The following YES1 variants were observed in gnomAD, a reference collection of about 807,000 sequenced individuals.
The protein encoded by YES1 is YES proto-oncogene 1, Src family tyrosine kinase, also known as tyrosine-protein kinase Yes.
In YES1, 39 loss-of-function variants were observed where a neutral mutation model predicts 70.4. The observed-to-expected ratio is 0.55, with a 90% CI of 0.43 to 0.72. YES1 has a LOEUF of 0.72. YES1 is among the 30% of genes least tolerant of loss of function. The pLI is 0.00. For missense variants in YES1, 495 were observed against 644.8 expected (o/e 0.77, Z 2.52); for synonymous variants, 198 against 218.6 (o/e 0.91, Z 0.83).
intron 3 of YES1, 33 bp downstream of exon 3, chr18:751,672 G>T: frequency 7.3e-7 from 1 of 1,374,046 alleles, no homozygotes; most frequent in Non-Finnish European, 1.0e-6. Flanking sequence ...ATTTCTGTCA[G>T]TATTTCTCTC....
At position 757,312 on chromosome 18, in the gene YES1, G is replaced by A. The variant is rs542852728; in HGVS notation, c.-8-477C>T. ...AGGTCAGGAGATTGAGACCATCCTGGCTAACACGGTGAAACCCCGCCTCTA... is the reference window on the plus strand; with the variant it reads ...AGGTCAGGAGATTGAGACCATCCTGACTAACACGGTGAAACCCCGCCTCTA... On this transcript the variant is annotated intron_variant, in intron 1 of 11. Coordinates refer to ENST00000314574, the MANE Select transcript of YES1 (RefSeq NM_005433.4). Among the ~76,000 whole-genome samples the A allele has an allele frequency of 1.1e-4, 16 of 151,588 alleles. No individual in the cohort carries two copies. In the East Asian group the frequency reaches 2.5e-3, roughly 24 times the overall value.
chr18:811,878 C>T (rs1907403366), intron 1 of YES1, among the ~76,000 whole-genome samples: 1 of 152,134 alleles, frequency 6.6e-6, no homozygotes, highest in Non-Finnish European at 1.5e-5. Context: ...GGGCGGGACC[C>T]GGCAGGTCTG....
intron 1 of YES1, among the ~76,000 whole-genome samples, chr18:800,222 T>C (rs1413466055): frequency 1.3e-5 from 2 of 152,248 alleles, no homozygotes; most frequent in African/African-American, 2.4e-5. Context: ...CTTTCTCTCA[T>C]GCCCATGATA....
intron 8 of YES1, among the ~76,000 whole-genome samples, chr18:740,959 G>A (rs560260809): frequency 1.4e-4 from 22 of 152,136 alleles, no homozygotes; most frequent in Non-Finnish European, 3.2e-4. Context: ...GTGCAGCGGT[G>A]TCATCTTGGC....
rs1262034783 is a variant in YES1, at chr18:739,926, TA to T, written c.1061-116del. The T allele has an allele frequency of 5.6e-5, 41 of 728,746 alleles. No homozygotes were observed. In the East Asian group the frequency reaches 1.2e-3, roughly 21 times the overall value. The allele number at this position is 728,746 out of a possible 1,614,324, so 45.1% of individuals were successfully genotyped here. A position where few individuals can be genotyped will look rare whatever the true frequency, so the allele number is the denominator to read the frequency against. On this transcript the variant is annotated intron_variant, in intron 8 of 11. Transcript: ENST00000314574. ...AAACTTCTTAGCTTTTCATTTTTTT[TA>T]AATTTTGTGCAGTTTTGCAGTTTCC...
In YES1 at chr18:742,943, G is replaced by A. The variant is rs1464486905; in HGVS notation, c.1035C>T (p.Tyr345=). ...LYAVVSEEPI[Y]IVTEFMSKGS... The stretch of plus-strand genomic sequence containing the variant: ...CTTTTGACATAAATTCAGTGACAAT[G>A]TAAATTGGTTCTTCAGAAACAACAG... The change falls in exon 8 of 12, where the codon TAC becomes TAT. Residue 345 remains tyrosine, a synonymous_variant. Transcript: ENST00000314574. 2 of 1,598,066 alleles carry A rather than the reference G, an allele frequency of 1.3e-6. No homozygotes were observed. Among genetic ancestry groups the A allele is most frequent in the South Asian group, 2.3e-5 (2 of 86,754 alleles).
At chr18:740,646 G>A (rs2080206785) in intron 8 of YES1, among the ~76,000 whole-genome samples, 1 of 152,180 alleles carries the variant, frequency 6.6e-6, no homozygotes. Context: ...AGTTTGGACA[G>A]ATTATAAAGG....
chr18:757,255 G>A (rs1431194680), intron 1 of YES1, among the ~76,000 whole-genome samples: 6 of 152,166 alleles, frequency 3.9e-5, no homozygotes, highest in Non-Finnish European at 5.9e-5. Flanking sequence ...TGTAATCCCA[G>A]CACTTTGGGA....
intron 2 of YES1, among the ~76,000 whole-genome samples, chr18:753,590 A>G (rs1343265970): frequency 2.0e-5 from 3 of 152,078 alleles, no homozygotes; most frequent in African/African-American, 2.4e-5. Context: ...GGTTCAAGCT[A>G]TTCTCCTGCC....
At chr18:780,087 A>G (rs1568211664) in intron 1 of YES1, among the ~76,000 whole-genome samples, 1 of 152,056 alleles carries the variant, frequency 6.6e-6, no homozygotes, top group Non-Finnish European at 1.5e-5. Flanking sequence ...TACAAAAATT[A>G]GCCAGGCGCT....
chr18:773,319 C>T (rs2145782533), intron 1 of YES1, among the ~76,000 whole-genome samples: 1 of 152,328 alleles, frequency 6.6e-6, no homozygotes, highest in African/African-American at 2.4e-5. Flanking sequence ...CTCCTCATAC[C>T]TGAACTACTT....
intron 1 of YES1, among the ~76,000 whole-genome samples, chr18:784,511 T>A (rs879444122): frequency 1.2e-4 from 18 of 152,216 alleles, no homozygotes; most frequent in Admixed American, 5.9e-4. Flanking sequence ...CTTAAAACAA[T>A]ACAAACGTAT....
At chr18:774,515 G>A (rs143221049) in intron 1 of YES1, among the ~76,000 whole-genome samples, 3 of 152,122 alleles carry the variant, frequency 2.0e-5, no homozygotes, top group East Asian at 1.9e-4. Context: ...AAATGTTAAC[G>A]CCATTCTTCT....
chr18:803,280 A>T (rs1311881089), intron 1 of YES1, among the ~76,000 whole-genome samples: 1 of 152,176 alleles, frequency 6.6e-6, no homozygotes, highest in Non-Finnish European at 1.5e-5. Context: ...TTTTCTGTGT[A>T]TTTTGGAAAC....
chr18:800,548 T>A (rs751390392), intron 1 of YES1, among the ~76,000 whole-genome samples: 1 of 152,202 alleles, frequency 6.6e-6, no homozygotes, highest in East Asian at 1.9e-4. Context: ...TAGAAAACAA[T>A]GTTCCAGCTT....
intron 3 of YES1, among the ~76,000 whole-genome samples, chr18:750,651 T>C (rs1322707725): frequency 6.6e-6 from 1 of 152,202 alleles, no homozygotes; most frequent in Non-Finnish European, 1.5e-5. Context: ...CAGCTATGAT[T>C]GAGGTTTGCA....
intron 1 of YES1, among the ~76,000 whole-genome samples, chr18:801,836 A>C (rs909080987): frequency 2.0e-5 from 3 of 152,196 alleles, no homozygotes; most frequent in Admixed American, 2.0e-4. Context: ...TGATGAATTA[A>C]GTTTAGGAAA....
At chr18:731,695 C>T (rs372059648) in intron 11 of YES1, among the ~76,000 whole-genome samples, 37 of 152,210 alleles carry the variant, frequency 2.4e-4, no homozygotes, top group East Asian at 2.1e-3. Flanking sequence ...AGGCCAGGCA[C>T]GGTGGCTCAC....
chr18:779,878 C>T (rs1905567166), intron 1 of YES1, among the ~76,000 whole-genome samples: 1 of 151,846 alleles, frequency 6.6e-6, no homozygotes, highest in Non-Finnish European at 1.5e-5. Flanking sequence ...AAAACATCAT[C>T]CACTTGTTTC....
Sources: allele counts gnomAD v4.1 joint callset (sites outside exome capture counted in the v4.1 genomes callset), GRCh38; gene constraint gnomAD v4.1.1; transcripts MANE v1.5; gene names NCBI Gene and HGNC (gene_info 2026-07-23, HGNC 2026-07-21).